Variants in CAMTA1 observed in about 807,000 individuals in gnomAD.
The protein encoded by CAMTA1 is calmodulin binding transcription activator 1.
Under a neutral mutation model 170.9 loss-of-function variants are expected in CAMTA1, and 27 were observed. That is an observed-to-expected ratio of 0.16 (90% CI 0.12 to 0.22). CAMTA1 has a LOEUF of 0.22. Ranked by LOEUF, CAMTA1 falls within the 10% of genes least tolerant of loss-of-function variation. CAMTA1 has a pLI of 1.00. For missense variants in CAMTA1, 1,619 were observed against 2,217.2 expected, an observed-to-expected ratio of 0.73 and a Z score of 5.42; for synonymous variants, 833 against 891.5, an observed-to-expected ratio of 0.93 and a Z score of 1.17.
At chr1:7,462,156 T>G (rs1306340435) in intron 5 of CAMTA1, among the ~76,000 whole-genome samples, 2 of 152,262 alleles carry the variant, frequency 1.3e-5, no homozygotes, top group Non-Finnish European at 2.9e-5. Flanking sequence ...AGACAGAGTT[T>G]CACTCTTGTT....
chr1:7,672,258 GC>G (rs1287854229), intron 10 of CAMTA1, among the ~76,000 whole-genome samples: 1 of 152,004 alleles, frequency 6.6e-6, no homozygotes, highest in African/African-American at 2.4e-5. Context: ...TGCTAGGCAG[GC>G]CCCAGGGTGT....
chr1:7,287,355 T>C (rs180771257), intron 5 of CAMTA1, among the ~76,000 whole-genome samples: 1 of 152,324 alleles, frequency 6.6e-6, no homozygotes, highest in East Asian at 1.9e-4. Context: ...TGTGATGGTG[T>C]GGACATGGGG....
At chr1:6,895,645 G>A (rs778164251) in intron 3 of CAMTA1, among the ~76,000 whole-genome samples, 3 of 152,126 alleles carry the variant, frequency 2.0e-5, no homozygotes, top group East Asian at 3.9e-4. Context: ...CTTCCCATAC[G>A]GGGAATCCAT....
intron 6 of CAMTA1, among the ~76,000 whole-genome samples, chr1:7,508,843 A>T (rs1304573825): frequency 2.0e-5 from 3 of 152,242 alleles, no homozygotes; most frequent in Non-Finnish European, 4.4e-5. Flanking sequence ...CTGTCTGCCA[A>T]AATTAATGCA....
chr1:7,328,948 T>C (rs1225345372), intron 5 of CAMTA1, among the ~76,000 whole-genome samples: 5 of 152,214 alleles, frequency 3.3e-5, no homozygotes, highest in African/African-American at 4.8e-5. Context: ...ATTCTTAACT[T>C]TTCTTCTTTG....
chr1:7,759,906 A>G (rs1411648914), intron 22 of CAMTA1, among the ~76,000 whole-genome samples: 5 of 152,252 alleles, frequency 3.3e-5, no homozygotes, highest in Non-Finnish European at 7.3e-5. Flanking sequence ...TGGATAGTAG[A>G]AAGTGTTCTC....
intron 6 of CAMTA1, among the ~76,000 whole-genome samples, chr1:7,498,730 TG>T (rs1294164785): frequency 7.5e-6 from 1 of 133,898 alleles, no homozygotes; most frequent in Non-Finnish European, 1.6e-5. Context: ...CATGAGTGCA[TG>T]TGCAGAGAGG....
Position 7,219,542 on chromosome 1 carries a change from TAAAAAAAA to T in CAMTA1, c.303-29926_303-29919del, listed in dbSNP as rs34288461. On this transcript the variant is annotated intron_variant, in intron 4 of 22. Coordinates refer to ENST00000303635, the MANE Select transcript of CAMTA1 (RefSeq NM_015215.4). ...CTCTCCTGACATTTGAATTTTTTCT[TAAAAAAAA>T]AAAAAAAAAAAAAAAAAAAAAAGGA... 25 of 65,278 alleles carry T rather than the reference TAAAAAAAA, an allele frequency of 3.8e-4. 1 individual carries two copies. The highest frequency in any genetic ancestry group is 1.6e-3 in the East Asian group (3 of 1,862). The allele number at this position is 65,278 out of a possible 1,614,324, so 4.0% of individuals were successfully genotyped here.
chr1:7,383,688 A>T (rs572231483), intron 5 of CAMTA1, among the ~76,000 whole-genome samples: 19 of 152,076 alleles, frequency 1.2e-4, no homozygotes, highest in African/African-American at 4.3e-4. Context: ...TGCTGCTGCT[A>T]CTGTCGATGC....
intron 6 of CAMTA1, among the ~76,000 whole-genome samples, chr1:7,489,810 C>T (rs946013581): frequency 4.6e-5 from 7 of 152,218 alleles, no homozygotes; most frequent in Non-Finnish European, 8.8e-5. Flanking sequence ...CAGGGGCCTT[C>T]GGCCAGCATC....
chr1:7,057,031 A>G (rs1707435310), intron 3 of CAMTA1, among the ~76,000 whole-genome samples: 1 of 151,954 alleles, frequency 6.6e-6, no homozygotes, highest in Admixed American at 6.6e-5. Flanking sequence ...AGGGCCAGGC[A>G]CTTCCCACCT....
chr1:7,661,598 C>A (rs1481042417), intron 7 of CAMTA1, 128 bp from the exon 8 acceptor site: 1 of 1,088,442 alleles, frequency 9.2e-7, no homozygotes, highest in Non-Finnish European at 1.4e-6. Context: ...ATCAATTCGC[C>A]CCAGGAGCCA....
At chr1:7,606,270 T>C (rs1238415794) in intron 6 of CAMTA1, among the ~76,000 whole-genome samples, 1 of 152,098 alleles carries the variant, frequency 6.6e-6, no homozygotes, top group Admixed American at 6.5e-5. Flanking sequence ...ATGCCAGCGG[T>C]CCAAGGAGTG....
intron 11 of CAMTA1, among the ~76,000 whole-genome samples, chr1:7,690,612 G>A (rs1355939690): frequency 6.6e-6 from 1 of 152,238 alleles, no homozygotes; most frequent in Non-Finnish European, 1.5e-5. Context: ...AACACCTTCT[G>A]GCACAGAGTT....
intron 3 of CAMTA1, among the ~76,000 whole-genome samples, chr1:6,950,067 C>T (rs1230397199): frequency 1.3e-5 from 2 of 152,234 alleles, no homozygotes; most frequent in Non-Finnish European, 2.9e-5. Flanking sequence ...AATCTGTGGG[C>T]CTTTCTCTCT....
intron 3 of CAMTA1, among the ~76,000 whole-genome samples, chr1:6,986,000 G>A (rs968289678): frequency 3.3e-5 from 5 of 152,322 alleles, no homozygotes; most frequent in East Asian, 1.9e-4. Flanking sequence ...CTTCAGGCAC[G>A]GAAGAACATT....
At chr1:7,610,510 C>T (rs769884421) in intron 6 of CAMTA1, among the ~76,000 whole-genome samples, 1 of 152,222 alleles carries the variant, frequency 6.6e-6, no homozygotes, top group Non-Finnish European at 1.5e-5. Context: ...CCTCTGTGGC[C>T]TAGCAGGTTA....
At chr1:7,702,462 C>T (rs765516074) in intron 11 of CAMTA1, among the ~76,000 whole-genome samples, 3 of 152,172 alleles carry the variant, frequency 2.0e-5, no homozygotes, top group Non-Finnish European at 2.9e-5. Flanking sequence ...CCACGAGTTC[C>T]CCGGCACTTT....
At chr1:7,632,021 G>A (rs12117212) in intron 6 of CAMTA1, among the ~76,000 whole-genome samples, 2 of 151,856 alleles carry the variant, frequency 1.3e-5, no homozygotes, top group African/African-American at 4.8e-5. Flanking sequence ...GCCCAGTGTC[G>A]CCCAGTGCCG....
Sources: allele counts gnomAD v4.1 joint callset (sites outside exome capture counted in the v4.1 genomes callset), GRCh38; gene constraint gnomAD v4.1.1; transcripts MANE v1.5; gene names NCBI Gene and HGNC (gene_info 2026-07-23, HGNC 2026-07-21).